Variants in CCNYL1 observed in about 807,000 individuals in gnomAD.
CCNYL1 encodes cyclin Y like 1, also known as cyclin-Y-like protein 1.
In CCNYL1, 16 loss-of-function variants were observed where a neutral mutation model predicts 44.2. The ratio of observed to expected loss-of-function variants is 0.36; its 90% confidence interval spans 0.25 to 0.55. The LOEUF is 0.55. Among genes scored for constraint, CCNYL1 ranks in the 20% least tolerant of loss-of-function variants. CCNYL1 has a pLI of 0.85. For missense variants in CCNYL1, 348 were observed against 451.8 expected (o/e 0.77, Z 2.08); for synonymous variants, 159 against 163.2 (o/e 0.97, Z 0.20).
chr2:207,727,546 A>G (rs992712232), intron 3 of CCNYL1, among the ~76,000 whole-genome samples: 4 of 152,094 alleles, frequency 2.6e-5, no homozygotes, highest in Non-Finnish European at 5.9e-5. Context: ...TGTGTGTGGA[A>G]TTAATTTCCT....
chr2:207,722,445 C>T (rs891510379), intron 1 of CCNYL1, among the ~76,000 whole-genome samples: 3 of 151,998 alleles, frequency 2.0e-5, no homozygotes, highest in African/African-American at 7.3e-5. Flanking sequence ...AGTAGCACAT[C>T]TTGATTTGGG....
chr2:207,719,062 G>A (rs2091620129), intron 1 of CCNYL1, among the ~76,000 whole-genome samples: 1 of 151,396 alleles, frequency 6.6e-6, no homozygotes, highest in African/African-American at 2.4e-5. Flanking sequence ...GGAGGAGAAT[G>A]TACAGTAATG....
intron 1 of CCNYL1, among the ~76,000 whole-genome samples, chr2:207,712,789 G>A (rs1490167898): frequency 6.6e-6 from 1 of 152,196 alleles, no homozygotes; most frequent in Non-Finnish European, 1.5e-5. Flanking sequence ...TGTGAAGGGT[G>A]TGAGAGGTTA....
rs547034587 is a variant in CCNYL1 at position 207,726,940 on chromosome 2, C to T, written c.330+64C>T. 3.0e-5 allele frequency: 36 copies of T among 1,199,158 alleles called. No individual in the cohort carries two copies. In the South Asian group the frequency reaches 5.6e-4, roughly 19 times the overall value. The allele number at this position is 1,199,158 out of a possible 1,614,324, so 74.3% of individuals were successfully genotyped here. On this transcript the variant is annotated intron_variant, in intron 3 of 9. Transcript: ENST00000295414. ...AATTAAAAGTATGTCTGTCATGATT[C>T]CATAAAAATATAATGGGGACCCAAT... is the stretch of plus-strand genomic sequence containing the variant.
chr2:207,722,469 G>A (rs1051402372), intron 1 of CCNYL1, among the ~76,000 whole-genome samples: 1 of 152,200 alleles, frequency 6.6e-6, no homozygotes, highest in Non-Finnish European at 1.5e-5. Context: ...GGGGAGGTGT[G>A]TGTGTGAAGC....
Position 207,753,908 on chromosome 2 carries a change from A to T in CCNYL1, c.*210A>T. 6.7e-6 allele frequency: 3 copies of T among 447,568 alleles called. No individual in the cohort carries two copies. The highest frequency in any genetic ancestry group is 8.0e-6 in the Non-Finnish European group (2 of 251,080). 27.7% of individuals were successfully genotyped at this position (447,568 alleles called of 1,614,324 possible). Reference sequence around the variant, plus strand: ...ACAAAACACTCTTCTGTCCTTTTTAATGTAAACAGAGTTACAAAAACCACT... The same window carrying T: ...ACAAAACACTCTTCTGTCCTTTTTATTGTAAACAGAGTTACAAAAACCACT... On this transcript the variant is annotated 3_prime_UTR_variant, in exon 10 of 10. Coordinates refer to ENST00000295414, the MANE Select transcript of CCNYL1 (RefSeq NM_001330218.2).
intron 4 of CCNYL1, among the ~76,000 whole-genome samples, chr2:207,734,719 T>G (rs561581468): frequency 6.6e-6 from 1 of 152,354 alleles, no homozygotes; most frequent in Non-Finnish European, 1.5e-5. Context: ...TTTTACTTTT[T>G]AGTCTAAAAA....
At chr2:207,725,747 A>G (rs572305253) in intron 2 of CCNYL1, among the ~76,000 whole-genome samples, 1 of 152,322 alleles carries the variant, frequency 6.6e-6, no homozygotes, top group South Asian at 2.1e-4. Context: ...AAACTTACGT[A>G]CATTTTCCTT....
chr2:207,741,446 A>G (rs2091808975), intron 6 of CCNYL1, among the ~76,000 whole-genome samples: 1 of 152,188 alleles, frequency 6.6e-6, no homozygotes, highest in Admixed American at 6.5e-5. Context: ...TCACTATGAT[A>G]TTTTAAGATC....
At chr2:207,746,568 A>G (rs750568330) in intron 7 of CCNYL1, among the ~76,000 whole-genome samples, 8 of 152,214 alleles carry the variant, frequency 5.3e-5, no homozygotes, top group South Asian at 4.1e-4. Context: ...CTGACCTACA[A>G]CTGTGATTTA....
intron 1 of CCNYL1, among the ~76,000 whole-genome samples, chr2:207,718,186 G>A (rs1016240366): frequency 3.3e-5 from 5 of 152,096 alleles, no homozygotes; most frequent in Admixed American, 6.6e-5. Flanking sequence ...TTACAGGTGT[G>A]AGCCACCATG....
intron 6 of CCNYL1, among the ~76,000 whole-genome samples, 156 bp from the exon 7 acceptor site, chr2:207,742,067 C>T (rs1015318767): frequency 6.6e-6 from 1 of 150,712 alleles, no homozygotes; most frequent in African/African-American, 2.4e-5. Context: ...AGGAGAATCA[C>T]TTAAACCCGG....
chr2:207,746,376 A>G (rs556129670), intron 7 of CCNYL1, among the ~76,000 whole-genome samples: 1 of 152,352 alleles, frequency 6.6e-6, no homozygotes, highest in African/African-American at 2.4e-5. Context: ...CTGTAAAATT[A>G]CTATCTACCA....
intron 1 of CCNYL1, among the ~76,000 whole-genome samples, chr2:207,722,422 T>C (rs1000355485): frequency 6.6e-6 from 1 of 152,024 alleles, no homozygotes; most frequent in Non-Finnish European, 1.5e-5. Context: ...GGTTTTCTTA[T>C]ATTTAAATAC....
At position 207,733,969 on chromosome 2, in the gene CCNYL1, A is replaced by T; in HGVS notation, c.353A>T (p.Lys118Ile). The T allele has an allele frequency of 6.2e-7, 1 of 1,612,848 alleles. No homozygotes were observed. Reference protein sequence around the residue: ...LNHVSPGQLTKKYSSCSTIFL... With the variant: ...LNHVSPGQLTIKYSSCSTIFL... Reference sequence around the variant, plus strand: ...CAGGTATCTCCAGGGCAGCTTACTAAAAAGTATAGCTCATGCTCAACAATA... The same window carrying T: ...CAGGTATCTCCAGGGCAGCTTACTATAAAGTATAGCTCATGCTCAACAATA... The change falls in exon 4 of 10, where the codon AAA (lysine) becomes ATA (isoleucine). Residue 118 changes from lysine (K) to isoleucine (I), a missense_variant. Around this residue, in one of 3 missense-constraint regions of CCNYL1, gnomAD observed 209 missense variants for 247.7 expected, o/e 0.84. Coordinates refer to ENST00000295414, the MANE Select transcript of CCNYL1 (RefSeq NM_001330218.2).
intron 1 of CCNYL1, among the ~76,000 whole-genome samples, chr2:207,717,353 C>G (rs1457000534): frequency 6.6e-6 from 1 of 152,064 alleles, no homozygotes; most frequent in African/African-American, 2.4e-5. Context: ...AGAAACTTGA[C>G]TAGTTTTGGG....
At chr2:207,725,779 G>A (rs897843401) in intron 2 of CCNYL1, among the ~76,000 whole-genome samples, 4 of 152,166 alleles carry the variant, frequency 2.6e-5, no homozygotes, top group African/African-American at 7.2e-5. Flanking sequence ...TTTAGGATGA[G>A]AATCAGAACT....
chr2:207,746,248 T>C (rs1575223087), intron 7 of CCNYL1, among the ~76,000 whole-genome samples: 1 of 152,320 alleles, frequency 6.6e-6, no homozygotes, highest in East Asian at 1.9e-4. Flanking sequence ...TGGGTGGCTC[T>C]CTTGACCAGC....
chr2:207,733,407 C>G (rs1336728531), intron 3 of CCNYL1, among the ~76,000 whole-genome samples: 2 of 152,162 alleles, frequency 1.3e-5, no homozygotes, highest in Non-Finnish European at 2.9e-5. Flanking sequence ...AAAACAGGCC[C>G]TTTCACTGAG....
Sources: gnomAD v4.1 joint callset for allele counts (sites outside exome capture counted in the v4.1 genomes callset) on GRCh38, gnomAD v4.1.1 for gene constraint, gnomAD v4.1.1 regional missense constraint, MANE v1.5 for transcripts, NCBI Gene and HGNC (gene_info 2026-07-23, HGNC 2026-07-21) for gene names.